Variants in PCSK5 observed in about 807,000 individuals in gnomAD.
PCSK5 encodes proprotein convertase subtilisin/kexin type 5, also known as prohormone convertase 5.
In PCSK5, 129 loss-of-function variants were observed where a neutral mutation model predicts 233.2. The observed-to-expected ratio is 0.55, with a 90% CI of 0.48 to 0.64. The LOEUF is 0.64. Among genes scored for constraint, PCSK5 ranks in the 30% least tolerant of loss-of-function variants. PCSK5 has a pLI of 0.00. For missense variants in PCSK5, 2,076 were observed against 2,430.1 expected (o/e 0.85, Z 3.06); for synonymous variants, 825 against 879.2 (o/e 0.94, Z 1.09).
At chr9:76,262,979 A>G (rs1827226462) in intron 24 of PCSK5, among the ~76,000 whole-genome samples, 1 of 152,146 alleles carries the variant, frequency 6.6e-6, no homozygotes, top group Non-Finnish European at 1.5e-5. Context: ...ACATGAACAG[A>G]CACTTCTCAA....
At chr9:76,325,946 C>A (rs1243499258) in intron 32 of PCSK5, among the ~76,000 whole-genome samples, 1 of 152,078 alleles carries the variant, frequency 6.6e-6, no homozygotes, top group Admixed American at 6.5e-5. Context: ...CGCCATTGCA[C>A]TTTCTACCAG....
At position 76,360,798 on chromosome 9, in the gene PCSK5, CT is replaced by C. The variant is rs1341889261; in HGVS notation, c.*1878del. On this transcript the variant is annotated 3_prime_UTR_variant, in exon 38 of 38. Coordinates refer to ENST00000674117, the MANE Select transcript of PCSK5 (RefSeq NM_001372043.1). ...TGGGTGAGCTGTGCTTCAATAAAAC[CT>C]TATTTATGGACACTGACATTTGAAA... The C allele has an allele frequency of 6.6e-6, 1 of 152,112 alleles. No individual in the cohort carries two copies. Among genetic ancestry groups the C allele is most frequent in the Non-Finnish European group, 1.5e-5 (1 of 68,010 alleles). 9.4% of individuals were successfully genotyped at this position (152,112 alleles called of 1,614,324 possible). A position where few individuals can be genotyped will look rare whatever the true frequency, so the allele number is the denominator to read the frequency against.
chr9:76,059,800 T>G (rs1829960145), intron 5 of PCSK5, among the ~76,000 whole-genome samples: 2 of 152,192 alleles, frequency 1.3e-5, no homozygotes, highest in East Asian at 3.9e-4. Context: ...ATGTTTCAAA[T>G]TTTTTATCCT....
intron 3 of PCSK5, among the ~76,000 whole-genome samples, chr9:75,991,927 A>G (rs944851983): frequency 6.6e-6 from 1 of 151,950 alleles, no homozygotes; most frequent in African/African-American, 2.4e-5. Context: ...CTCTAAAAAA[A>G]TGTAAAATAA....
chr9:76,247,282 A>G (rs1442102412), intron 24 of PCSK5, among the ~76,000 whole-genome samples: 1 of 152,136 alleles, frequency 6.6e-6, no homozygotes, highest in Admixed American at 6.5e-5. Flanking sequence ...ACAAACATGG[A>G]CCAGAAGAGT....
intron 3 of PCSK5, among the ~76,000 whole-genome samples, chr9:75,987,422 G>T (rs1826564769): frequency 6.6e-6 from 1 of 152,088 alleles, no homozygotes; most frequent in Admixed American, 6.5e-5. Flanking sequence ...CTTGTGGGGG[G>T]GCGGGTCTCT....
chr9:76,319,430 A>T (rs1829126977), intron 30 of PCSK5, among the ~76,000 whole-genome samples: 1 of 145,948 alleles, frequency 6.9e-6, no homozygotes, highest in Non-Finnish European at 1.5e-5. Context: ...AGCTTTTAAT[A>T]TTACTCTTTG....
At chr9:76,064,165 C>CAG (rs1830158615) in intron 5 of PCSK5, among the ~76,000 whole-genome samples, 1 of 119,470 alleles carries the variant, frequency 8.4e-6, no homozygotes, top group African/African-American at 3.8e-5. Context: ...CCGGACGGGG[C>CAG]GGCTGGCCAG....
chr9:75,950,809 A>G (rs1587408709), intron 2 of PCSK5, among the ~76,000 whole-genome samples: 1 of 152,244 alleles, frequency 6.6e-6, no homozygotes, highest in Admixed American at 6.5e-5. Flanking sequence ...AGCTAACATC[A>G]TAATGACAGG....
intron 5 of PCSK5, among the ~76,000 whole-genome samples, chr9:76,046,160 GTTTTTTTTTTTTTT>G (rs71372041): frequency 8.8e-4 from 51 of 58,024 alleles, no homozygotes; most frequent in Admixed American, 2.4e-3. Flanking sequence ...TTTTTCTTTT[GTTTTTTTTTTTTTT>G]TTTTTTTTTT....
At chr9:76,141,263 A>G (rs1012711420) in intron 10 of PCSK5, among the ~76,000 whole-genome samples, 13 of 152,114 alleles carry the variant, frequency 8.5e-5, no homozygotes, top group African/African-American at 3.1e-4. Flanking sequence ...GTACACACAC[A>G]CACACAACCC....
chr9:75,996,159 G>C (rs1008424779), intron 3 of PCSK5, among the ~76,000 whole-genome samples: 1 of 152,114 alleles, frequency 6.6e-6, no homozygotes, highest in Non-Finnish European at 1.5e-5. Flanking sequence ...AAGCAAACTC[G>C]TATCTCAGGT....
intron 37 of PCSK5, among the ~76,000 whole-genome samples, chr9:76,355,394 A>T (rs1830274893): frequency 6.6e-6 from 1 of 151,922 alleles, no homozygotes; most frequent in African/African-American, 2.4e-5. Context: ...AATGGCGTGA[A>T]CCCGGGAGGC....
intron 2 of PCSK5, among the ~76,000 whole-genome samples, chr9:75,977,126 T>C (rs1465061500): frequency 6.6e-6 from 1 of 152,190 alleles, no homozygotes; most frequent in Non-Finnish European, 1.5e-5. Flanking sequence ...CATATGTTTG[T>C]TTATAACTGC....
Position 76,321,582 on chromosome 9 carries a change from G to C in PCSK5, c.4045G>C (p.Val1349Leu). ...CGAGAGGCACGTGGCTGTGAAGGGG[G>C]TATGCAAGCATTGCCCAGAGATGTG... ...CPERHVAVKGVCKHCPEMCQD... is the reference protein window; with the variant it reads ...CPERHVAVKGLCKHCPEMCQD... The change falls in exon 31 of 38, where the codon GTA becomes CTA. Residue 1349 changes from valine (V) to leucine (L), a missense_variant. Coordinates refer to ENST00000674117, the MANE Select transcript of PCSK5 (RefSeq NM_001372043.1). 6.2e-7 allele frequency: 1 copy of C among 1,612,598 alleles called. No individual in the cohort carries two copies. The highest frequency in any genetic ancestry group is 1.6e-4 in the Middle Eastern group (1 of 6,062).
chr9:75,891,866 C>G (rs1004244511), intron 1 of PCSK5, among the ~76,000 whole-genome samples: 2 of 151,508 alleles, frequency 1.3e-5, no homozygotes, highest in Non-Finnish European at 2.9e-5. Context: ...TCCTCTTGGG[C>G]GAGAGAACCT....
rs1826936787 is a variant in PCSK5, at chr9:75,994,709, A to G, written c.411+8464A>G. ...AGTGCTGGGATTACAGGCGTGAGCC[A>G]GTGCGCCCGGCCCCACCTCCCAGTT... On this transcript the variant is annotated intron_variant, in intron 3 of 37. Coordinates refer to ENST00000674117, the MANE Select transcript of PCSK5 (RefSeq NM_001372043.1). Among the ~76,000 whole-genome samples, 9 of 152,108 alleles carry G rather than the reference A, an allele frequency of 5.9e-5. 1 individual carries two copies. The South Asian group carries it at 1.9e-3, about 32-fold the overall frequency.
At chr9:76,042,288 T>C (rs1327758033) in intron 5 of PCSK5, among the ~76,000 whole-genome samples, 1 of 152,244 alleles carries the variant, frequency 6.6e-6, no homozygotes, top group Non-Finnish European at 1.5e-5. Context: ...TATTCCAAAC[T>C]TTTGTGTAAA....
At chr9:76,356,663 T>C (rs1387606413) in intron 37 of PCSK5, among the ~76,000 whole-genome samples, 1 of 152,180 alleles carries the variant, frequency 6.6e-6, no homozygotes, top group Non-Finnish European at 1.5e-5. Flanking sequence ...CTCGGCTTGA[T>C]AGGTAAAATC....
Sources: allele counts gnomAD v4.1 joint callset (sites outside exome capture counted in the v4.1 genomes callset), GRCh38; gene constraint gnomAD v4.1.1; transcripts MANE v1.5; gene names NCBI Gene and HGNC (gene_info 2026-07-23, HGNC 2026-07-21).